The following CPB2 variants were observed in gnomAD, a reference collection of about 807,000 sequenced individuals.
CPB2 encodes the protein carboxypeptidase B2.
A neutral mutation model predicts 57.0 loss-of-function variants in CPB2; 54 were observed. That is an observed-to-expected ratio of 0.95 (90% confidence interval 0.76 to 1.19). CPB2 has a LOEUF of 1.19. CPB2 is among the 50% of genes most tolerant of loss of function. The pLI is 0.00. For missense variants in CPB2, 426 were observed against 512.0 expected (o/e 0.83, Z 1.62); for synonymous variants, 189 against 178.1 (o/e 1.06, Z -0.49).
chr13:46,058,427 T>C, intron 8 of CPB2, 46 bp from the exon 9 acceptor site: 2 of 1,547,898 alleles, frequency 1.3e-6, no homozygotes, highest in East Asian at 2.3e-5. Context: ...ATGCACATAG[T>C]ACTGTAATTT....
intron 6 of CPB2, among the ~76,000 whole-genome samples, chr13:46,070,341 A>G (rs918035381): frequency 3.9e-5 from 6 of 152,188 alleles, no homozygotes; most frequent in Non-Finnish European, 8.8e-5. Context: ...TATTGGGTAT[A>G]TTGAGACATA....
intron 9 of CPB2, among the ~76,000 whole-genome samples, chr13:46,057,144 G>A (rs538714560): frequency 1.3e-5 from 2 of 150,798 alleles, no homozygotes; most frequent in South Asian, 4.2e-4. Flanking sequence ...ATGTGTGCTG[G>A]CAGTGATGCA....
chr13:46,073,369 T>C (rs1330684206), intron 6 of CPB2: 2 of 434,954 alleles, frequency 4.6e-6, no homozygotes, highest in Non-Finnish European at 6.1e-6. Flanking sequence ...GTCTTATATA[T>C]GGCTTTTTTG....
chr13:46,101,111 C>T (rs1178547063), intron 1 of CPB2: 1 of 152,016 alleles, frequency 6.6e-6, no homozygotes. Flanking sequence ...AGGTGAGTCT[C>T]AGCCAATCAC....
At chr13:46,079,535 CAAAA>C (rs58164990) in intron 4 of CPB2, among the ~76,000 whole-genome samples, 12 of 110,984 alleles carry the variant, frequency 1.1e-4, no homozygotes, top group Admixed American at 2.0e-4. Flanking sequence ...AAGGAAAAAG[CAAAA>C]AAAAAAAAAA....
chr13:46,072,465 G>A (rs905534231), intron 6 of CPB2, among the ~76,000 whole-genome samples: 1 of 152,024 alleles, frequency 6.6e-6, no homozygotes, highest in African/African-American at 2.4e-5. Context: ...ATGTTTCTTT[G>A]GGCTACACAA....
chr13:46,084,617 A>G (rs1342454513), intron 2 of CPB2, among the ~76,000 whole-genome samples: 1 of 152,180 alleles, frequency 6.6e-6, no homozygotes, highest in Admixed American at 6.5e-5. Context: ...ACAATGATGA[A>G]TGAATGACTA....
chr13:46,092,474 C>G (rs1225939709), intron 1 of CPB2, among the ~76,000 whole-genome samples: 4 of 152,128 alleles, frequency 2.6e-5, no homozygotes, highest in Non-Finnish European at 5.9e-5. Context: ...CAATTGGCAA[C>G]TTTTCTGTAA....
chr13:46,091,150 A>G (rs557819657), intron 1 of CPB2, among the ~76,000 whole-genome samples: 2 of 152,114 alleles, frequency 1.3e-5, no homozygotes, highest in African/African-American at 4.8e-5. Context: ...TTTGGTGTTG[A>G]TTTTCTATTT....
intron 4 of CPB2, among the ~76,000 whole-genome samples, chr13:46,080,742 G>A (rs1475128015): frequency 1.3e-5 from 2 of 152,110 alleles, no homozygotes; most frequent in East Asian, 1.9e-4. Flanking sequence ...AGGCCAAGGC[G>A]AGCAGATCAC....
At chr13:46,055,408 G>C (rs2044684054) in intron 10 of CPB2, among the ~76,000 whole-genome samples, 1 of 152,170 alleles carries the variant, frequency 6.6e-6, no homozygotes, top group African/African-American at 2.4e-5. Context: ...CCCTAGATTA[G>C]TGTAGTGTAC....
chr13:46,094,184 T>C (rs1030660444), intron 1 of CPB2, among the ~76,000 whole-genome samples: 1 of 152,174 alleles, frequency 6.6e-6, no homozygotes, highest in African/African-American at 2.4e-5. Flanking sequence ...CCCAGTGGGT[T>C]TTCTAGCCTT....
chr13:46,073,799 G>T, intron 6 of CPB2, 74 bp downstream of exon 6: 1 of 916,220 alleles, frequency 1.1e-6, no homozygotes, highest in Non-Finnish European at 1.6e-6. Context: ...TTAATAAATA[G>T]CCCAGTTGAG....
chr13:46,082,310 T>A (rs539757368), intron 4 of CPB2, 131 bp downstream of exon 4: 27 of 497,278 alleles, frequency 5.4e-5, no homozygotes, highest in African/African-American at 4.6e-4. Flanking sequence ...ACCATTTAAT[T>A]AACCTAAGTG....
At chr13:46,084,188 A>G (rs2045162868) in intron 3 of CPB2, 31 bp downstream of exon 3, 2 of 1,611,002 alleles carry the variant, frequency 1.2e-6, no homozygotes, top group South Asian at 2.2e-5. Context: ...TGTTTATAAT[A>G]ACTACTCAAT....
chr13:46,081,883 A>T (rs750616491), intron 4 of CPB2, among the ~76,000 whole-genome samples: 5 of 152,218 alleles, frequency 3.3e-5, no homozygotes, highest in Non-Finnish European at 5.9e-5. Context: ...ATCTTACTCA[A>T]GTTCTCTCTA....
chr13:46,064,630 A>G lies in CPB2; in HGVS notation c.796+18T>C. 1 of 1,605,820 alleles carries G rather than the reference A, an allele frequency of 6.2e-7. No individual in the cohort carries two copies. Among genetic ancestry groups the G allele is most frequent in the Non-Finnish European group, 8.5e-7 (1 of 1,172,498 alleles). On this transcript the variant is annotated intron_variant, in intron 8 of 10. Transcript: ENST00000181383. ...TTTCAGTGAAGAGACATTGCAAGAA[A>G]TAAAGCCAACAACCTACCACACCAG...
intron 1 of CPB2, among the ~76,000 whole-genome samples, chr13:46,090,525 G>C (rs1355218505): frequency 2.0e-5 from 3 of 151,614 alleles, no homozygotes; most frequent in Admixed American, 6.6e-5. Flanking sequence ...ACCATGGCTG[G>C]CTAATTTTTG....
At chr13:46,087,142 G>A (rs1233535124) in intron 2 of CPB2, among the ~76,000 whole-genome samples, 1 of 152,208 alleles carries the variant, frequency 6.6e-6, no homozygotes, top group East Asian at 1.9e-4. Context: ...GGGATGTCCA[G>A]GTCTGTAGCT....
Sources: gnomAD v4.1 joint callset for allele counts (sites outside exome capture counted in the v4.1 genomes callset) on GRCh38, gnomAD v4.1.1 for gene constraint, MANE v1.5 for transcripts, NCBI Gene and HGNC (gene_info 2026-07-23, HGNC 2026-07-21) for gene names.